MAPKAP1: variants seen among roughly 807,000 people sequenced by gnomAD.
MAPKAP1 encodes the protein target of rapamycin complex 2 subunit MAPKAP1.
Under a neutral mutation model 65.7 loss-of-function variants are expected in MAPKAP1, and 20 were observed. That is an observed-to-expected ratio of 0.30 (90% CI 0.21 to 0.44). The LOEUF is 0.44. MAPKAP1 is among the 20% of genes least tolerant of loss of function. The pLI, the probability that MAPKAP1 is intolerant of heterozygous loss-of-function variation, is 1.00. For missense variants in MAPKAP1, 423 were observed against 648.0 expected, an observed-to-expected ratio of 0.65 and a Z score of 3.77; for synonymous variants, 222 against 244.3, an observed-to-expected ratio of 0.91 and a Z score of 0.85.
At chr9:125,442,676 C>G (rs1852539175) in intron 11 of MAPKAP1, among the ~76,000 whole-genome samples, 1 of 152,090 alleles carries the variant, frequency 6.6e-6, no homozygotes, top group Non-Finnish European at 1.5e-5. Context: ...TGCAAGCACT[C>G]CCAGGCAGGC....
intron 8 of MAPKAP1, among the ~76,000 whole-genome samples, chr9:125,494,981 A>G (rs1016492644): frequency 6.6e-6 from 1 of 152,184 alleles, no homozygotes; most frequent in Admixed American, 6.5e-5. Context: ...AGTGAATCCA[A>G]TACCCTTTAC....
intron 4 of MAPKAP1, among the ~76,000 whole-genome samples, chr9:125,620,053 A>G (rs555859214): frequency 1.1e-4 from 17 of 152,370 alleles, no homozygotes; most frequent in African/African-American, 3.8e-4. Flanking sequence ...TCACGCCTGT[A>G]ATCCCAACAC....
intron 1 of MAPKAP1, among the ~76,000 whole-genome samples, chr9:125,706,120 C>T (rs1835750389): frequency 6.6e-6 from 1 of 152,066 alleles, no homozygotes; most frequent in Admixed American, 6.5e-5. Flanking sequence ...GAACTCTTTC[C>T]GTGTTTACTA....
At chr9:125,664,724 CA>C (rs1199612669) in intron 3 of MAPKAP1, among the ~76,000 whole-genome samples, 5 of 59,928 alleles carry the variant, frequency 8.3e-5, no homozygotes, top group African/African-American at 1.6e-4. Context: ...GACTCACTCT[CA>C]AAAAAAAAAA....
At chr9:125,683,091 G>T (rs1564615523) in intron 1 of MAPKAP1, among the ~76,000 whole-genome samples, 3 of 151,878 alleles carry the variant, frequency 2.0e-5, no homozygotes, top group Admixed American at 6.6e-5. Flanking sequence ...TAGTAGCTGA[G>T]ATTATAGGTG....
At chr9:125,683,880 C>T (rs1366603497) in intron 1 of MAPKAP1, among the ~76,000 whole-genome samples, 22 of 152,200 alleles carry the variant, frequency 1.4e-4, no homozygotes, top group Admixed American at 1.4e-3. Context: ...TTCACTACCT[C>T]TTCCCTCCCC....
intron 4 of MAPKAP1, among the ~76,000 whole-genome samples, chr9:125,613,548 G>A (rs1020767014): frequency 3.9e-5 from 6 of 152,094 alleles, no homozygotes; most frequent in African/African-American, 9.7e-5. Flanking sequence ...GCCTTGTTAC[G>A]ACTGCATCAC....
intron 9 of MAPKAP1, among the ~76,000 whole-genome samples, chr9:125,481,728 T>C (rs182731266): frequency 3.9e-4 from 60 of 152,186 alleles, no homozygotes; most frequent in Admixed American, 2.4e-3. Context: ...AGCCTACTTA[T>C]TGGGCTTCTT....
chr9:125,509,894 G>A (rs1295165479), intron 7 of MAPKAP1, among the ~76,000 whole-genome samples: 1 of 152,096 alleles, frequency 6.6e-6, no homozygotes, highest in Non-Finnish European at 1.5e-5. Flanking sequence ...ACAACTCCCT[G>A]CCCCACTCTC....
intron 1 of MAPKAP1, among the ~76,000 whole-genome samples, chr9:125,699,909 C>G (rs751190970): frequency 1.2e-4 from 18 of 152,326 alleles, no homozygotes; most frequent in Non-Finnish European, 2.4e-4. Flanking sequence ...GCCAGCAAAT[C>G]TGGCCCAGAT....
At chr9:125,549,194 T>C (rs1033043390) in intron 6 of MAPKAP1, among the ~76,000 whole-genome samples, 9 of 152,214 alleles carry the variant, frequency 5.9e-5, no homozygotes, top group East Asian at 5.8e-4. Flanking sequence ...TAAGGAGACA[T>C]TGGAGAATGT....
chr9:125,698,562 G>A (rs1835503196), intron 1 of MAPKAP1, among the ~76,000 whole-genome samples: 1 of 151,320 alleles, frequency 6.6e-6, no homozygotes, highest in Non-Finnish European at 1.5e-5. Flanking sequence ...GGCTGGTCTC[G>A]AACTCCTGAC....
intron 9 of MAPKAP1, among the ~76,000 whole-genome samples, chr9:125,470,459 T>C (rs1853865311): frequency 6.6e-6 from 1 of 152,248 alleles, no homozygotes; most frequent in Non-Finnish European, 1.5e-5. Context: ...CAACAGAGCC[T>C]ACTTCACAAA....
At chr9:125,524,568 A>G (rs977883729) in intron 7 of MAPKAP1, among the ~76,000 whole-genome samples, 1 of 152,254 alleles carries the variant, frequency 6.6e-6, no homozygotes, top group Non-Finnish European at 1.5e-5. Flanking sequence ...TCTTTGTGCT[A>G]CAAACAAAAC....
chr9:125,438,486 GT>G lies in MAPKAP1; in HGVS notation c.*400del. 1 of 409,730 alleles carries G rather than the reference GT, an allele frequency of 2.4e-6. No individual in the cohort carries two copies. Among genetic ancestry groups the G allele is most frequent in the Non-Finnish European group, 4.3e-6 (1 of 232,880 alleles). The allele number at this position is 409,730 out of a possible 1,614,324, so 25.4% of individuals were successfully genotyped here. ...ACCAACCATGATAAAGAGTACACCT[GT>G]TTATTAAAAGGAAAAACAGAAATGT... On this transcript the variant is annotated 3_prime_UTR_variant, in exon 12 of 12. Coordinates refer to ENST00000265960, the MANE Select transcript of MAPKAP1 (RefSeq NM_001006617.3).
chr9:125,526,503 G>A (rs1198885443), intron 7 of MAPKAP1, among the ~76,000 whole-genome samples: 1 of 152,138 alleles, frequency 6.6e-6, no homozygotes, highest in African/African-American at 2.4e-5. Context: ...ACAATACACT[G>A]ACTATACTCA....
At chr9:125,464,036 G>GCCA (rs1853589422) in intron 10 of MAPKAP1, among the ~76,000 whole-genome samples, 1 of 151,790 alleles carries the variant, frequency 6.6e-6, no homozygotes, top group South Asian at 2.1e-4. Flanking sequence ...GGAATGTGAG[G>GCCA]CCAGCACTTA....
At chr9:125,640,756 G>C (rs1180807577) in intron 4 of MAPKAP1, among the ~76,000 whole-genome samples, 1 of 152,178 alleles carries the variant, frequency 6.6e-6, no homozygotes, top group Non-Finnish European at 1.5e-5. Flanking sequence ...CAAGTGACAT[G>C]GTAAGTAACA....
intron 1 of MAPKAP1, among the ~76,000 whole-genome samples, chr9:125,674,666 G>A (rs779271821): frequency 2.0e-5 from 3 of 152,202 alleles, no homozygotes; most frequent in South Asian, 2.1e-4. Flanking sequence ...GTGTCTTAAA[G>A]TGGGTCTTAA....
Sources: allele counts gnomAD v4.1 joint callset (sites outside exome capture counted in the v4.1 genomes callset), GRCh38; gene constraint gnomAD v4.1.1; transcripts MANE v1.5; gene names NCBI Gene and HGNC (gene_info 2026-07-23, HGNC 2026-07-21).